Variants in COL13A1 observed in about 807,000 individuals in gnomAD.
COL13A1 encodes the protein collagen type XIII alpha 1 chain.
COL13A1 carries 89 observed loss-of-function variants against 130.9 expected under a neutral mutation model. That is an observed-to-expected ratio of 0.68 (90% CI 0.57 to 0.81). The LOEUF is 0.81. COL13A1 is among the 30% of genes least tolerant of loss of function. The pLI is 0.00. For missense variants in COL13A1, 879 were observed against 934.6 expected, an observed-to-expected ratio of 0.94 and a Z score of 0.78; for synonymous variants, 402 against 341.6, an observed-to-expected ratio of 1.18 and a Z score of -1.95.
chr10:69,802,790 C>T (rs900928809), intron 1 of COL13A1, 73 bp downstream of exon 1: 9 of 1,564,176 alleles, frequency 5.8e-6, no homozygotes, highest in East Asian at 2.4e-5. Context: ...ACTGTTCAGC[C>T]GGTGTCCGCG....
At chr10:69,828,005 A>C (rs1321961233) in intron 2 of COL13A1, among the ~76,000 whole-genome samples, 2 of 152,218 alleles carry the variant, frequency 1.3e-5, no homozygotes, top group Non-Finnish European at 2.9e-5. Context: ...TCAATGAAGA[A>C]AAGATTCAAG....
chr10:69,802,993 GA>G (rs1468585317), intron 1 of COL13A1, among the ~76,000 whole-genome samples: 1 of 152,234 alleles, frequency 6.6e-6, no homozygotes, highest in Non-Finnish European at 1.5e-5. Context: ...GCAGGTGGAG[GA>G]AGGCTGGGCG....
At chr10:69,927,251 C>T in intron 27 of COL13A1, 141 bp downstream of exon 27, 1 of 1,357,192 alleles carries the variant, frequency 7.4e-7, no homozygotes, top group Non-Finnish European at 1.0e-6. Flanking sequence ...AGGGCTGGGG[C>T]AGATGATGAT....
intron 1 of COL13A1, among the ~76,000 whole-genome samples, chr10:69,816,774 GC>G (rs760996353): frequency 3.3e-5 from 5 of 152,126 alleles, no homozygotes; most frequent in African/African-American, 4.8e-5. Flanking sequence ...CATGAGGACT[GC>G]CCACCAGATT....
At chr10:69,907,302 G>C (rs998067881) in intron 17 of COL13A1, among the ~76,000 whole-genome samples, 2 of 152,156 alleles carry the variant, frequency 1.3e-5, no homozygotes, top group Non-Finnish European at 2.9e-5. Context: ...AAAACTGTGT[G>C]TCTTAGTCCA....
chr10:69,881,311 C>T (rs1346288681), intron 7 of COL13A1, among the ~76,000 whole-genome samples: 1 of 151,904 alleles, frequency 6.6e-6, no homozygotes, highest in Non-Finnish European at 1.5e-5. Flanking sequence ...AGCGCCCTCC[C>T]GTGTAGAGGC....
chr10:69,913,715 A>G lies in COL13A1; in HGVS notation c.922-3574A>G, dbSNP rs549499849. 5.9e-3 allele frequency among the ~76,000 whole-genome samples: 903 copies of G among 152,244 alleles called. 29 individuals carry two copies. Among genetic ancestry groups the G allele is most frequent in the Non-Finnish European group, 1.2e-3 (83 of 68,002 alleles). On this transcript the variant is annotated intron_variant, in intron 17 of 40. Coordinates refer to ENST00000645393, the MANE Select transcript of COL13A1 (RefSeq NM_001368882.1). The stretch of plus-strand genomic sequence containing the variant: ...AGGAACCAATGTTTTTGGCTTTAGG[A>G]GAAGCCATTCCCCAGTTCAGAGGTC...
chr10:69,902,495 C>T (rs1044493801), intron 14 of COL13A1, among the ~76,000 whole-genome samples: 9 of 152,174 alleles, frequency 5.9e-5, no homozygotes, highest in Non-Finnish European at 1.0e-4. Flanking sequence ...AATGTCTCTC[C>T]GCAGCAACTC....
At chr10:69,912,561 C>T (rs1278048681) in intron 17 of COL13A1, among the ~76,000 whole-genome samples, 1 of 150,958 alleles carries the variant, frequency 6.6e-6, no homozygotes, top group Non-Finnish European at 1.5e-5. Context: ...CCACCCCCAC[C>T]CCTCCCCGCA....
intron 1 of COL13A1, among the ~76,000 whole-genome samples, chr10:69,816,543 G>A (rs553887262): frequency 5.1e-4 from 78 of 152,178 alleles, no homozygotes; most frequent in Non-Finnish European, 7.9e-4. Flanking sequence ...GTACCCTAGG[G>A]AGCCAGTGTC....
At chr10:69,953,319 GGATTTGCCTTCTTCGTTTCA>G (rs2069969877) in intron 39 of COL13A1, among the ~76,000 whole-genome samples, 2 of 152,186 alleles carry the variant, frequency 1.3e-5, no homozygotes, top group Non-Finnish European at 2.9e-5. Context: ...TGTGAGCCAC[GGATTTGCCTTCTTCGTTTCA>G]TGGCCACCTC....
chr10:69,820,923 T>A (rs1194881265), intron 1 of COL13A1, among the ~76,000 whole-genome samples: 1 of 152,164 alleles, frequency 6.6e-6, no homozygotes, highest in Non-Finnish European at 1.5e-5. Context: ...CTTGTGAAGC[T>A]TTCTGACCTT....
chr10:69,861,772 G>A (rs1052530884), intron 2 of COL13A1, among the ~76,000 whole-genome samples: 18 of 152,206 alleles, frequency 1.2e-4, no homozygotes, highest in African/African-American at 4.3e-4. Context: ...TTAAGGAGCT[G>A]TGATTGATTA....
intron 38 of COL13A1, among the ~76,000 whole-genome samples, chr10:69,952,449 T>TC (rs1389375692): frequency 1.3e-5 from 2 of 152,154 alleles, no homozygotes; most frequent in Non-Finnish European, 2.9e-5. Flanking sequence ...TCACCTTGCC[T>TC]CCTAATAGAA....
Position 69,922,766 on chromosome 10 carries a change from CAGGGCTCCCTGGGCCCCCAGGGCCAA to C in COL13A1, c.1206_1230+1del. The C allele has an allele frequency of 6.2e-7, 1 of 1,601,910 alleles. No homozygotes were observed. ...GGAGGCAGAGGGGAACCTGGCCCTC[CAGGGCTCCCTGGGCCCCCAGGGCCAA>C]AGGTGAGTGTTCCCTGGAATTGGTG... is the stretch of plus-strand genomic sequence containing the variant. On this transcript the variant is annotated frameshift_variant and splice_region_variant, in exon 23 of 41. Coordinates refer to ENST00000645393, the MANE Select transcript of COL13A1 (RefSeq NM_001368882.1). LOFTEE classifies it high-confidence loss of function.
intron 34 of COL13A1, 117 bp from the exon 35 acceptor site, chr10:69,940,871 C>T: frequency 7.3e-7 from 1 of 1,366,882 alleles, no homozygotes. Flanking sequence ...TGATTACCAG[C>T]ATTTATGTCT....
chr10:69,821,149 T>C (rs777236094), intron 1 of COL13A1, among the ~76,000 whole-genome samples: 2 of 152,254 alleles, frequency 1.3e-5, no homozygotes, highest in African/African-American at 4.8e-5. Context: ...ACAGGCTTCA[T>C]GTGGCCAGGT....
At chr10:69,888,177 G>C (rs1163374162) in intron 8 of COL13A1, 127 bp from the exon 9 acceptor site, 12 of 1,053,812 alleles carry the variant, frequency 1.1e-5, no homozygotes, top group African/African-American at 4.8e-5. Flanking sequence ...CAAGTACGTG[G>C]TCAAGCAGGG....
At chr10:69,807,433 A>G (rs938141894) in intron 1 of COL13A1, among the ~76,000 whole-genome samples, 1 of 152,250 alleles carries the variant, frequency 6.6e-6, no homozygotes, top group Non-Finnish European at 1.5e-5. Context: ...AACAACAATT[A>G]TAATAACATG....
Sources: gnomAD v4.1 joint callset for allele counts (sites outside exome capture counted in the v4.1 genomes callset) on GRCh38, gnomAD v4.1.1 for gene constraint, MANE v1.5 for transcripts, NCBI Gene and HGNC (gene_info 2026-07-23, HGNC 2026-07-21) for gene names.